SGIP1: variants seen among roughly 807,000 people sequenced by gnomAD.
The protein encoded by SGIP1 is SH3-containing GRB2-like protein 3-interacting protein 1.
SGIP1 carries 38 observed loss-of-function variants against 107.5 expected under a neutral mutation model. The ratio of observed to expected loss-of-function variants is 0.35; its 90% CI spans 0.27 to 0.46. The LOEUF is 0.46. SGIP1 is among the 20% of genes least tolerant of loss of function. The pLI is 1.00. For missense variants in SGIP1, 929 were observed against 1,019.5 expected (o/e 0.91, Z 1.21); for synonymous variants, 365 against 366.1 (o/e 1.00, Z 0.03).
intron 15 of SGIP1, among the ~76,000 whole-genome samples, chr1:66,686,737 A>G (rs2088406512): frequency 6.6e-6 from 1 of 152,212 alleles, no homozygotes; most frequent in South Asian, 2.1e-4. Context: ...CAAGAAATCA[A>G]TTACTTCAAA....
intron 1 of SGIP1, among the ~76,000 whole-genome samples, chr1:66,551,329 A>T (rs146164782): frequency 1.4e-4 from 21 of 152,308 alleles, no homozygotes; most frequent in Admixed American, 1.3e-4. Flanking sequence ...TTAGAATGTG[A>T]TATCTATTTC....
intron 1 of SGIP1, among the ~76,000 whole-genome samples, chr1:66,551,510 T>C (rs746210221): frequency 6.6e-6 from 1 of 152,192 alleles, no homozygotes; most frequent in East Asian, 1.9e-4. Context: ...CCCAACTTTA[T>C]ATTAATACTT....
chr1:66,584,453 A>T (rs10127496), intron 1 of SGIP1, among the ~76,000 whole-genome samples: 52,214 of 151,852 alleles, frequency 0.34, 9,760 homozygotes, highest in South Asian at 0.62. Flanking sequence ...CCTGTTAAAA[A>T]TCCTCTAACC....
chr1:66,717,826 CACTT>C (rs1158175526), intron 18 of SGIP1, among the ~76,000 whole-genome samples: 2 of 152,152 alleles, frequency 1.3e-5, no homozygotes, highest in Non-Finnish European at 2.9e-5. Flanking sequence ...ATATGTAAAA[CACTT>C]AGTAAGTGTG....
At position 66,660,018 on chromosome 1, in the gene SGIP1, G is replaced by GACA. The variant is rs1377986202; in HGVS notation, c.460-495_460-494insACA. ...AGAAAGACAGACAGACAGACAGACAGGAAGGAAGGAAGGAAGGAAGGAAAG... is the reference window on the plus strand; with the variant it reads ...AGAAAGACAGACAGACAGACAGACAGACAGAAGGAAGGAAGGAAGGAAGGAAAG... On this transcript the variant is annotated intron_variant, in intron 7 of 24. Transcript: ENST00000371037. 8.9e-4 allele frequency: 86 copies of GACA among 97,126 alleles called. 7 individuals carry two copies. The highest frequency in any genetic ancestry group is 4.2e-3 in the African/African-American group (65 of 15,566). The allele number at this position is 97,126 out of a possible 1,614,324, so 6.0% of individuals were successfully genotyped here. A position where few individuals can be genotyped will look rare whatever the true frequency, so the allele number is the denominator to read the frequency against.
At chr1:66,618,642 G>A (rs921312497) in intron 1 of SGIP1, among the ~76,000 whole-genome samples, 1 of 152,178 alleles carries the variant, frequency 6.6e-6, no homozygotes, top group African/African-American at 2.4e-5. Context: ...CAAAGACAGG[G>A]AGTTAGTAAT....
intron 1 of SGIP1, among the ~76,000 whole-genome samples, chr1:66,584,497 G>A (rs1398796109): frequency 6.6e-6 from 1 of 152,116 alleles, no homozygotes. Flanking sequence ...AGGAAGCTCA[G>A]TAACACCAAA....
At chr1:66,631,044 GAAGA>G (rs373346734) in intron 2 of SGIP1, among the ~76,000 whole-genome samples, 20,646 of 102,334 alleles carry the variant, frequency 0.2, 2,047 homozygotes, top group Middle Eastern at 0.28. Flanking sequence ...AGGAAGAAAG[GAAGA>G]AAGAAAGAAA....
chr1:66,742,014 C>A (rs1053815574), intron 24 of SGIP1, among the ~76,000 whole-genome samples: 2 of 152,154 alleles, frequency 1.3e-5, no homozygotes, highest in African/African-American at 4.8e-5. Flanking sequence ...GATCCGCCTG[C>A]CTCGGCCTCC....
At chr1:66,650,872 AT>A (rs1324154862) in intron 7 of SGIP1, among the ~76,000 whole-genome samples, 2 of 152,282 alleles carry the variant, frequency 1.3e-5, no homozygotes, top group East Asian at 3.9e-4. Flanking sequence ...AACTACAAGC[AT>A]TTTGTTCCTT....
chr1:66,733,814 C>G lies in SGIP1; in HGVS notation c.1965C>G (p.His655Gln), dbSNP rs771030760. The G allele has an allele frequency of 6.2e-7, 1 of 1,613,364 alleles. No homozygotes were observed. Among genetic ancestry groups the G allele is most frequent in the South Asian group, 1.1e-5 (1 of 91,008 alleles). ...TAAACATGCCAAATTTGATGACTCA[C>G]CTAAAGAAAGTGTCTGAACAAAAAC... Reference protein sequence around the residue: ...FWVNMPNLMTHLKKVSEQKPQ... With the variant: ...FWVNMPNLMTQLKKVSEQKPQ... The change falls in exon 21 of 25, where the codon CAC becomes CAG. Residue 655 changes from histidine to glutamine, a missense_variant. Physicochemically the swap from His to Gln is conservative, Grantham distance 24 (BLOSUM62 0). This residue lies in a region of SGIP1 where 341 missense variants were observed against 430.9 expected (regional missense o/e 0.79). Coordinates refer to ENST00000371037, the MANE Select transcript of SGIP1 (RefSeq NM_032291.4).
At chr1:66,540,704 G>A (rs1353131966) in intron 1 of SGIP1, among the ~76,000 whole-genome samples, 1 of 152,192 alleles carries the variant, frequency 6.6e-6, no homozygotes, top group South Asian at 2.1e-4. Flanking sequence ...AATCTTAGGA[G>A]CTCAATGTGT....
intron 17 of SGIP1, chr1:66,694,386 GATTTGT>G (rs1252338958): frequency 1.3e-6 from 2 of 1,503,766 alleles, no homozygotes; most frequent in Admixed American, 3.8e-5. Flanking sequence ...TTTCATTTGG[GATTTGT>G]ATTTGTGTTT....
intron 3 of SGIP1, chr1:66,634,174 C>A: frequency 6.2e-7 from 1 of 1,605,150 alleles, no homozygotes; most frequent in Non-Finnish European, 8.5e-7. Context: ...GTACTCTCTG[C>A]TTCTGTGTCT....
At chr1:66,560,611 A>T (rs947287421) in intron 1 of SGIP1, among the ~76,000 whole-genome samples, 21 of 152,110 alleles carry the variant, frequency 1.4e-4, no homozygotes, top group Non-Finnish European at 2.5e-4. Flanking sequence ...AAAGTGCGTT[A>T]AGAGAATTTA....
intron 15 of SGIP1, among the ~76,000 whole-genome samples, chr1:66,685,713 G>C (rs1023079765): frequency 6.6e-6 from 1 of 152,136 alleles, no homozygotes; most frequent in Non-Finnish European, 1.5e-5. Context: ...AGCCGCATGT[G>C]GTTATTTTAA....
chr1:66,667,954 G>A (rs183355350), intron 9 of SGIP1, among the ~76,000 whole-genome samples: 1 of 152,312 alleles, frequency 6.6e-6, no homozygotes, highest in Admixed American at 6.5e-5. Context: ...ATCATTGTTT[G>A]TAAGCCTGAA....
chr1:66,719,410 G>T lies in SGIP1; in HGVS notation c.1742+5G>T. On this transcript the variant is annotated splice_donor_5th_base_variant and intron_variant, in intron 19 of 24. Coordinates refer to ENST00000371037, the MANE Select transcript of SGIP1 (RefSeq NM_032291.4). ...CAAAGGAGCAGACCCAAGCAAGTAA[G>T]CCTGATACTTGGTCCATTGTACTTT... is the stretch of plus-strand genomic sequence containing the variant. The T allele has an allele frequency of 5.0e-6, 8 of 1,602,286 alleles. No homozygotes were observed. The highest frequency in any genetic ancestry group is 6.8e-6 in the Non-Finnish European group (8 of 1,169,862).
chr1:66,682,394 T>C, intron 15 of SGIP1, 25 bp downstream of exon 15: 1 of 1,581,060 alleles, frequency 6.3e-7, no homozygotes, highest in Non-Finnish European at 8.6e-7. Context: ...TGAGTGTGCT[T>C]CTTGTGACGG....
Sources: gnomAD v4.1 joint callset for allele counts (sites outside exome capture counted in the v4.1 genomes callset) on GRCh38, gnomAD v4.1.1 for gene constraint, gnomAD v4.1.1 regional missense constraint, MANE v1.5 for transcripts, NCBI Gene and HGNC (gene_info 2026-07-23, HGNC 2026-07-21) for gene names.